The following SDK1 variants were observed in gnomAD, a reference collection of about 807,000 sequenced individuals.
SDK1 encodes the protein sidekick cell adhesion molecule 1.
Under a neutral mutation model 245.5 loss-of-function variants are expected in SDK1, and 157 were observed. The observed-to-expected ratio is 0.64, with a 90% CI of 0.56 to 0.73. The LOEUF (loss-of-function observed/expected upper bound fraction) is 0.73. SDK1 is among the 30% of genes least tolerant of loss of function. The probability of loss-of-function intolerance (pLI) is 0.00; values close to 1 mark genes in which losing one functional copy is unlikely to be tolerated. For missense variants in SDK1, 3,583 were observed against 3,002.3 expected (o/e 1.19, Z -4.52); for synonymous variants, 1,647 against 1,278.5 (o/e 1.29, Z -6.15).
At chr7:3,988,557 C>A (rs975690295) in intron 14 of SDK1, among the ~76,000 whole-genome samples, 1 of 152,252 alleles carries the variant, frequency 6.6e-6, no homozygotes, top group African/African-American at 2.4e-5. Flanking sequence ...TCACCCTGGG[C>A]TACTGTGCTC....
chr7:4,171,830 A>G (rs912938138), intron 32 of SDK1, among the ~76,000 whole-genome samples: 1 of 152,246 alleles, frequency 6.6e-6, no homozygotes, highest in Non-Finnish European at 1.5e-5. Flanking sequence ...TGGGGCTGCA[A>G]GCCCGCAGGA....
intron 4 of SDK1, among the ~76,000 whole-genome samples, chr7:3,700,152 GA>G (rs1375801574): frequency 1.3e-5 from 2 of 152,174 alleles, no homozygotes; most frequent in Non-Finnish European, 2.9e-5. Flanking sequence ...CAAATGAAGG[GA>G]AAACTAAAGG....
At chr7:3,650,689 C>T (rs532065835) in intron 4 of SDK1, among the ~76,000 whole-genome samples, 17 of 152,260 alleles carry the variant, frequency 1.1e-4, no homozygotes, top group African/African-American at 3.9e-4. Context: ...CCTTTTATGG[C>T]CATAACTACT....
intron 1 of SDK1, among the ~76,000 whole-genome samples, chr7:3,472,753 G>C (rs916119455): frequency 1.3e-5 from 2 of 152,202 alleles, no homozygotes; most frequent in Non-Finnish European, 2.9e-5. Flanking sequence ...TGAGGCCAGT[G>C]ACGTCCTGGA....
chr7:3,623,245 C>CTTTT (rs1183056855), intron 2 of SDK1, among the ~76,000 whole-genome samples: 107 of 117,946 alleles, frequency 9.1e-4, no homozygotes, highest in East Asian at 2.6e-3. Flanking sequence ...TGTTGTATTT[C>CTTTT]TTTTTTTTTT....
chr7:3,469,019 T>G (rs912114446), intron 1 of SDK1, among the ~76,000 whole-genome samples: 3 of 152,204 alleles, frequency 2.0e-5, no homozygotes, highest in Admixed American at 2.0e-4. Context: ...GTGTTAGGCT[T>G]AAAGGCCAGT....
intron 44 of SDK1, among the ~76,000 whole-genome samples, chr7:4,264,562 CGCGTGG>C: frequency 2.3e-5 from 3 of 132,070 alleles, no homozygotes; most frequent in African/African-American, 9.0e-5. Context: ...TGAGGGAGGC[CGCGTGG>C]ACCTCTCCTG....
At chr7:4,016,128 C>T (rs995798081) in intron 16 of SDK1, among the ~76,000 whole-genome samples, 8 of 152,366 alleles carry the variant, frequency 5.3e-5, no homozygotes, top group Non-Finnish European at 1.0e-4. Context: ...GTGCCCTGCC[C>T]GCGTGGGACC....
intron 1 of SDK1, among the ~76,000 whole-genome samples, chr7:3,454,868 T>G (rs1780625092): frequency 6.6e-6 from 1 of 152,196 alleles, no homozygotes; most frequent in African/African-American, 2.4e-5. Context: ...AATTGCTGGG[T>G]TGTATAGTAA....
intron 2 of SDK1, among the ~76,000 whole-genome samples, chr7:3,630,023 A>G (rs533660157): frequency 6.4e-4 from 98 of 152,354 alleles, no homozygotes; most frequent in African/African-American, 2.3e-3. Context: ...CCATCAGGAA[A>G]CTAGACATCA....
intron 9 of SDK1, among the ~76,000 whole-genome samples, chr7:3,964,421 G>C (rs1248614406): frequency 6.6e-6 from 1 of 152,216 alleles, no homozygotes; most frequent in East Asian, 1.9e-4. Context: ...AGACTATTGA[G>C]TGAATAGATC....
At chr7:3,873,688 T>C (rs1416142858) in intron 5 of SDK1, among the ~76,000 whole-genome samples, 2 of 152,200 alleles carry the variant, frequency 1.3e-5, no homozygotes, top group African/African-American at 2.4e-5. Flanking sequence ...TATTGACCCA[T>C]CTTCAAGTTC....
intron 1 of SDK1, among the ~76,000 whole-genome samples, chr7:3,349,291 G>C (rs966179600): frequency 1.3e-5 from 2 of 152,082 alleles, no homozygotes; most frequent in Non-Finnish European, 2.9e-5. Flanking sequence ...GGAAGAGCAG[G>C]GTCTCACCCT....
chr7:3,861,346 G>A (rs1001662353), intron 5 of SDK1, among the ~76,000 whole-genome samples: 8 of 152,118 alleles, frequency 5.3e-5, no homozygotes, highest in Admixed American at 2.0e-4. Flanking sequence ...AGCAAAATTC[G>A]CTTGTAGTTC....
chr7:3,861,863 A>G (rs1780700275), intron 5 of SDK1, among the ~76,000 whole-genome samples: 1 of 152,212 alleles, frequency 6.6e-6, no homozygotes. Context: ...CTGAATTAAA[A>G]GAGTTTGTGT....
intron 42 of SDK1, among the ~76,000 whole-genome samples, chr7:4,238,776 C>T (rs760615269): frequency 6.6e-6 from 1 of 151,162 alleles, no homozygotes; most frequent in Non-Finnish European, 1.5e-5. Flanking sequence ...TCGAACACCT[C>T]ACCTCAGGTG....
At chr7:3,988,582 T>C (rs936541019) in intron 14 of SDK1, among the ~76,000 whole-genome samples, 5 of 152,060 alleles carry the variant, frequency 3.3e-5, no homozygotes, top group African/African-American at 9.7e-5. Flanking sequence ...TCCACACCGG[T>C]CAGCCACACG....
chr7:4,077,665 A>G (rs998753701), intron 21 of SDK1, among the ~76,000 whole-genome samples: 2 of 152,170 alleles, frequency 1.3e-5, no homozygotes, highest in East Asian at 3.8e-4. Context: ...GTCATGTATT[A>G]CATGGATGGC....
At chr7:3,905,370 A>T (rs1407402584) in intron 5 of SDK1, among the ~76,000 whole-genome samples, 1 of 152,198 alleles carries the variant, frequency 6.6e-6, no homozygotes. Context: ...GTCTGGATGT[A>T]TATAAAACTC....
Sources: allele counts gnomAD v4.1 joint callset (sites outside exome capture counted in the v4.1 genomes callset), GRCh38; gene constraint gnomAD v4.1.1; transcripts MANE v1.5; gene names NCBI Gene and HGNC (gene_info 2026-07-23, HGNC 2026-07-21).